ZC3H7A: variants seen among roughly 807,000 people sequenced by gnomAD.
The protein encoded by ZC3H7A is zinc finger CCCH domain-containing protein 7A.
In ZC3H7A, 44 loss-of-function variants were observed where a neutral mutation model predicts 125.5. That is an observed-to-expected ratio of 0.35 (90% CI 0.28 to 0.45). The LOEUF (loss-of-function observed/expected upper bound fraction) is 0.45, where lower values mean the gene tolerates loss of function less well. Among genes scored for constraint, ZC3H7A ranks in the 20% least tolerant of loss-of-function variants. The pLI, the probability that ZC3H7A is intolerant of heterozygous loss-of-function variation, is 1.00. For missense variants in ZC3H7A, 977 were observed against 1,170.7 expected, an observed-to-expected ratio of 0.83 and a Z score of 2.41; for synonymous variants, 399 against 391.2, an observed-to-expected ratio of 1.02 and a Z score of -0.23.
At chr16:11,758,388 T>C in intron 20 of ZC3H7A, 43 bp downstream of exon 20, 2 of 1,461,530 alleles carry the variant, frequency 1.4e-6, no homozygotes, top group South Asian at 2.3e-5. Flanking sequence ...AAAAGAACTT[T>C]CAGGCAAGCT....
At chr16:11,756,559 T>C (rs879392058) in intron 20 of ZC3H7A, among the ~76,000 whole-genome samples, 189 bp from the exon 21 acceptor site, 1 of 152,228 alleles carries the variant, frequency 6.6e-6, no homozygotes, top group South Asian at 2.1e-4. Context: ...GCATAAGAAC[T>C]ACTTTCAGGA....
At chr16:11,752,088 T>C (rs1358400943) in intron 22 of ZC3H7A, among the ~76,000 whole-genome samples, 1 of 151,904 alleles carries the variant, frequency 6.6e-6, no homozygotes, top group African/African-American at 2.4e-5. Context: ...GTAGTTTTAG[T>C]AGAGACAGGG....
chr16:11,782,439 T>G, intron 1 of ZC3H7A, 51 bp from the exon 2 acceptor site: 1 of 1,498,162 alleles, frequency 6.7e-7, no homozygotes, highest in Non-Finnish European at 9.3e-7. Flanking sequence ...GTCCCTGGAC[T>G]CCAATGAAAA....
intron 1 of ZC3H7A, chr16:11,796,811 A>C (rs1355434822): frequency 2.6e-5 from 4 of 152,010 alleles, no homozygotes; most frequent in African/African-American, 9.7e-5. Context: ...ACCAAAAAAA[A>C]AATTTTTTTT....
In ZC3H7A at chr16:11,752,653, G is replaced by A; in HGVS notation, c.2726+16C>T. ...TCAGCAATTCTGACATGGAAAAATT[G>A]TAGAAACCTACATACCTATCACAAA... On this transcript the variant is annotated intron_variant, in intron 22 of 22. Coordinates refer to ENST00000355758, the MANE Select transcript of ZC3H7A (RefSeq NM_014153.4). 1 of 1,590,180 alleles carries A rather than the reference G, an allele frequency of 6.3e-7. No individual in the cohort carries two copies. Among genetic ancestry groups the A allele is most frequent in the Non-Finnish European group, 8.6e-7 (1 of 1,169,468 alleles).
In ZC3H7A at chr16:11,779,271, C is replaced by T. The variant is rs780340286; in HGVS notation, c.201G>A (p.Thr67=). 3.5e-5 allele frequency: 57 copies of T among 1,613,880 alleles called. No homozygotes were observed. Among genetic ancestry groups the T allele is most frequent in the East Asian group, 8.9e-5 (4 of 44,856 alleles). ...HDWNNSISQY[T]EALNIADYAK... ...CATAATCAGCTATATTCAAGGCTTCCGTGTACTGGCTTATCGAGTTGTTCC... is the reference window on the plus strand; with the variant it reads ...CATAATCAGCTATATTCAAGGCTTCTGTGTACTGGCTTATCGAGTTGTTCC... The change falls in exon 4 of 23, where the codon ACG becomes ACA. Residue 67 remains threonine, a synonymous_variant. Coordinates refer to ENST00000355758, the MANE Select transcript of ZC3H7A (RefSeq NM_014153.4).
At chr16:11,771,040 G>A in intron 9 of ZC3H7A, 53 bp from the exon 10 acceptor site, 2 of 1,523,232 alleles carry the variant, frequency 1.3e-6, no homozygotes, top group Admixed American at 4.0e-5. Flanking sequence ...CATGGGTTTG[G>A]CTGAACTACT....
chr16:11,786,080 CTT>C (rs1442870544), intron 1 of ZC3H7A, among the ~76,000 whole-genome samples: 1 of 152,154 alleles, frequency 6.6e-6, no homozygotes, highest in East Asian at 1.9e-4. Flanking sequence ...GTGTTCAAAA[CTT>C]TTGTTTTATT....
intron 13 of ZC3H7A, among the ~76,000 whole-genome samples, chr16:11,766,752 G>A (rs372484802): frequency 4.6e-5 from 7 of 151,452 alleles, no homozygotes; most frequent in African/African-American, 1.7e-4. Flanking sequence ...GTGTACTGGC[G>A]CATGCCTGTA....
At chr16:11,791,985 C>G (rs1156887218) in intron 1 of ZC3H7A, among the ~76,000 whole-genome samples, 1 of 152,142 alleles carries the variant, frequency 6.6e-6, no homozygotes, top group Non-Finnish European at 1.5e-5. Flanking sequence ...AACCATAGCT[C>G]ACTGCAGCCT....
chr16:11,790,509 T>C (rs1388676907), intron 1 of ZC3H7A, among the ~76,000 whole-genome samples: 1 of 152,184 alleles, frequency 6.6e-6, no homozygotes. Context: ...ACTTTGGTTA[T>C]TTTTGACAGC....
Position 11,752,660 on chromosome 16 carries a change from C to T in ZC3H7A, c.2726+9G>A, listed in dbSNP as rs923852457. On this transcript the variant is annotated intron_variant, in intron 22 of 22. Coordinates refer to ENST00000355758, the MANE Select transcript of ZC3H7A (RefSeq NM_014153.4). Reference sequence around the variant, plus strand: ...TTCTGACATGGAAAAATTGTAGAAACCTACATACCTATCACAAATACTGAA... The same window carrying T: ...TTCTGACATGGAAAAATTGTAGAAATCTACATACCTATCACAAATACTGAA... The T allele has an allele frequency of 1.9e-6, 3 of 1,607,404 alleles. No homozygotes were observed. Among genetic ancestry groups the T allele is most frequent in the African/African-American group, 2.7e-5 (2 of 74,326 alleles).
At chr16:11,762,147 T>C (rs1340960906) in intron 17 of ZC3H7A, 104 bp from the exon 18 acceptor site, 6 of 1,191,120 alleles carry the variant, frequency 5.0e-6, no homozygotes, top group Non-Finnish European at 6.8e-6. Context: ...AGTATACAAT[T>C]TCCCATTTTT....
intron 1 of ZC3H7A, among the ~76,000 whole-genome samples, chr16:11,794,906 A>C (rs1011741158): frequency 1.3e-5 from 2 of 152,220 alleles, no homozygotes; most frequent in African/African-American, 4.8e-5. Context: ...AAGAGGGTGT[A>C]GGTCTGTGTA....
intron 9 of ZC3H7A, among the ~76,000 whole-genome samples, chr16:11,773,016 A>G (rs1317444055): frequency 6.6e-6 from 1 of 151,810 alleles, no homozygotes; most frequent in African/African-American, 2.4e-5. Context: ...ACAGGGATGG[A>G]CACTAAGTAT....
chr16:11,760,122 G>GACACAAAAAAAAAAAT (rs2052722202), intron 19 of ZC3H7A, among the ~76,000 whole-genome samples: 1 of 82,532 alleles, frequency 1.2e-5, no homozygotes, highest in Admixed American at 1.7e-4. Flanking sequence ...AAGAAAAAAT[G>GACACAAAAAAAAAAAT]AAAAAAAAAA....
At chr16:11,797,091 C>T (rs1305823222) in intron 1 of ZC3H7A, 33 bp downstream of exon 1, 2 of 140,548 alleles carry the variant, frequency 1.4e-5, no homozygotes, top group Admixed American at 6.9e-5. Flanking sequence ...GCGCGCGTTT[C>T]CTTCATGCCC....
At position 11,779,489 on chromosome 16, in the gene ZC3H7A, A is replaced by C. The variant is rs2053138217; in HGVS notation, c.109-126T>G. Reference sequence around the variant, plus strand: ...ACAGAACAGCAGCATTGCTCTAAGAAATTGTGAGATGCAGCCCAAGTCACT... The same window carrying C: ...ACAGAACAGCAGCATTGCTCTAAGACATTGTGAGATGCAGCCCAAGTCACT... On this transcript the variant is annotated intron_variant, in intron 3 of 22. Transcript: ENST00000355758. 3 of 802,644 alleles carry C rather than the reference A, an allele frequency of 3.7e-6. No homozygotes were observed. In the South Asian group the frequency reaches 5.7e-5, roughly 15 times the overall value. 49.7% of individuals were successfully genotyped at this position (802,644 alleles called of 1,614,324 possible).
intron 1 of ZC3H7A, among the ~76,000 whole-genome samples, chr16:11,785,411 C>T (rs1567393433): frequency 6.6e-6 from 1 of 151,692 alleles, no homozygotes; most frequent in Non-Finnish European, 1.5e-5. Context: ...ATGATGGAGG[C>T]AGGAGGATGG....
Sources: gnomAD v4.1 joint callset for allele counts (sites outside exome capture counted in the v4.1 genomes callset) on GRCh38, gnomAD v4.1.1 for gene constraint, MANE v1.5 for transcripts, NCBI Gene and HGNC (gene_info 2026-07-23, HGNC 2026-07-21) for gene names.